Variants in HPSE2 observed in about 807,000 individuals in gnomAD.
HPSE2 encodes the protein heparanase 2 (inactive), also known as inactive heparanase-2.
Under a neutral mutation model 60.5 loss-of-function variants are expected in HPSE2, and 38 were observed. The ratio of observed to expected loss-of-function variants is 0.63; its 90% CI spans 0.48 to 0.82. The LOEUF (loss-of-function observed/expected upper bound fraction) is 0.82. HPSE2 is among the 40% of genes least tolerant of loss of function. The pLI, the probability that HPSE2 is intolerant of heterozygous loss-of-function variation, is 0.00. For synonymous variants in HPSE2, 295 were observed against 293.2 expected (o/e 1.01, Z -0.06); for missense variants, 713 against 740.4 (o/e 0.96, Z 0.43).
intron 3 of HPSE2, among the ~76,000 whole-genome samples, chr10:99,021,032 T>C (rs768804938): frequency 4.6e-5 from 7 of 152,172 alleles, no homozygotes; most frequent in Non-Finnish European, 1.0e-4. Flanking sequence ...CATTTATTCC[T>C]TTCCAGGTCT....
At chr10:99,060,519 G>A (rs549059176) in intron 3 of HPSE2, among the ~76,000 whole-genome samples, 36 of 151,932 alleles carry the variant, frequency 2.4e-4, no homozygotes, top group Admixed American at 9.2e-4. Flanking sequence ...TTAGCCAGGC[G>A]TGGTGGTGCA....
chr10:98,831,318 A>C (rs989323947), intron 3 of HPSE2, among the ~76,000 whole-genome samples: 1 of 152,166 alleles, frequency 6.6e-6, no homozygotes, highest in Admixed American at 6.5e-5. Context: ...TGCTTCCTCC[A>C]AGGCAAGGTA....
Position 99,071,286 on chromosome 10 carries a change from T to G in HPSE2, c.610+72952A>C, listed in dbSNP as rs1842782198. On this transcript the variant is annotated intron_variant, in intron 3 of 11. Coordinates refer to ENST00000370552, the MANE Select transcript of HPSE2 (RefSeq NM_021828.5). ...GGTTTCGCCATGTTGGCCAGGCTGT[T>G]CTCAAACTCCTGACCTCAGGTGATC... Among the ~76,000 whole-genome samples, 7 of 152,068 alleles carry G rather than the reference T, an allele frequency of 4.6e-5. No homozygotes were observed. In the South Asian group the frequency reaches 1.2e-3, roughly 27 times the overall value.
intron 2 of HPSE2, among the ~76,000 whole-genome samples, chr10:99,211,801 C>A (rs1302937669): frequency 6.6e-6 from 1 of 151,788 alleles, no homozygotes; most frequent in Non-Finnish European, 1.5e-5. Flanking sequence ...TTGGCCTGGG[C>A]AATAATTTTT....
intron 4 of HPSE2, among the ~76,000 whole-genome samples, chr10:98,737,923 G>T (rs988300752): frequency 6.6e-6 from 1 of 152,172 alleles, no homozygotes; most frequent in African/African-American, 2.4e-5. Flanking sequence ...TACATTCAAT[G>T]CTATGCTCAT....
chr10:98,825,576 G>C (rs1951523548), intron 3 of HPSE2, among the ~76,000 whole-genome samples: 1 of 136,942 alleles, frequency 7.3e-6, no homozygotes, highest in South Asian at 2.5e-4. Context: ...TGACACACTG[G>C]TGCTTATAGG....
At chr10:99,071,069 C>CTTTTT (rs35699449) in intron 3 of HPSE2, among the ~76,000 whole-genome samples, 9 of 132,594 alleles carry the variant, frequency 6.8e-5, no homozygotes, top group Admixed American at 1.5e-4. Flanking sequence ...ATTTTTAATT[C>CTTTTT]TTTTTTTTTT....
At chr10:98,839,100 T>C (rs1277179490) in intron 3 of HPSE2, among the ~76,000 whole-genome samples, 1 of 152,194 alleles carries the variant, frequency 6.6e-6, no homozygotes, top group Non-Finnish European at 1.5e-5. Context: ...ATGAGCCATA[T>C]AAAGAAAATT....
At chr10:98,823,106 A>G (rs1951460903) in intron 3 of HPSE2, among the ~76,000 whole-genome samples, 1 of 152,164 alleles carries the variant, frequency 6.6e-6, no homozygotes, top group Admixed American at 6.5e-5. Flanking sequence ...GATGGAAGAA[A>G]GGAGCCAGAA....
intron 3 of HPSE2, among the ~76,000 whole-genome samples, chr10:98,752,221 A>G (rs1404992232): frequency 6.6e-6 from 1 of 152,216 alleles, no homozygotes; most frequent in African/African-American, 2.4e-5. Context: ...TGTGACAAAG[A>G]CACATTTTAT....
chr10:98,704,313 G>A (rs1396707240), intron 5 of HPSE2, among the ~76,000 whole-genome samples: 1 of 152,000 alleles, frequency 6.6e-6, no homozygotes. Context: ...AATCAATACC[G>A]TGAAAATGGC....
At chr10:98,815,301 G>A (rs1208675693) in intron 3 of HPSE2, among the ~76,000 whole-genome samples, 1 of 152,048 alleles carries the variant, frequency 6.6e-6, no homozygotes, top group African/African-American at 2.4e-5. Flanking sequence ...CAGTTTGAAG[G>A]CATCATATAG....
At chr10:99,243,396 T>C in the HPSE2 span, among the ~76,000 whole-genome samples, 1 of 152,048 alleles carries the variant, frequency 6.6e-6, no homozygotes, top group Non-Finnish European at 1.5e-5. Flanking sequence ...AAGTTGTTTC[T>C]TGAAGAATTT....
At chr10:99,103,630 C>T (rs1844110041) in intron 3 of HPSE2, among the ~76,000 whole-genome samples, 1 of 152,184 alleles carries the variant, frequency 6.6e-6, no homozygotes, top group African/African-American at 2.4e-5. Flanking sequence ...TTGGAAAAAA[C>T]TACTTTAAAG....
intron 3 of HPSE2, among the ~76,000 whole-genome samples, chr10:98,833,301 T>C (rs1021751096): frequency 6.6e-6 from 1 of 152,132 alleles, no homozygotes; most frequent in African/African-American, 2.4e-5. Flanking sequence ...CAATCCAAGG[T>C]GAATCCAAAA....
intron 3 of HPSE2, among the ~76,000 whole-genome samples, chr10:98,785,591 T>G (rs1479276687): frequency 3.7e-5 from 5 of 134,504 alleles, no homozygotes; most frequent in African/African-American, 5.7e-5. Flanking sequence ...TTTTGGTTGG[T>G]AAACTATTGA....
intron 3 of HPSE2, among the ~76,000 whole-genome samples, chr10:99,101,104 C>T (rs1455934093): frequency 6.6e-6 from 1 of 152,140 alleles, no homozygotes; most frequent in African/African-American, 2.4e-5. Context: ...AACCAGCTAA[C>T]ATCATAATGA....
intron 3 of HPSE2, among the ~76,000 whole-genome samples, chr10:98,902,555 C>A (rs973486140): frequency 3.3e-5 from 5 of 152,082 alleles, no homozygotes; most frequent in Admixed American, 3.3e-4. Context: ...GTTACTCACC[C>A]TCTCAGGATA....
intron 2 of HPSE2, among the ~76,000 whole-genome samples, chr10:99,157,906 GA>G (rs1846645965): frequency 9.6e-6 from 1 of 104,130 alleles, no homozygotes; most frequent in African/African-American, 2.7e-5. Flanking sequence ...AAATTTACAA[GA>G]AAAAAACAAA....
Sources: allele counts gnomAD v4.1 joint callset (sites outside exome capture counted in the v4.1 genomes callset), GRCh38; gene constraint gnomAD v4.1.1; transcripts MANE v1.5; gene names NCBI Gene and HGNC (gene_info 2026-07-23, HGNC 2026-07-21).